The following DACH1 variants were observed in gnomAD, a reference collection of about 807,000 sequenced individuals.
DACH1 encodes the protein dachshund family transcription factor 1, also known as dachshund homolog 1.
Under a neutral mutation model 54.2 loss-of-function variants are expected in DACH1, and 12 were observed. The observed-to-expected ratio is 0.22, with a 90% CI of 0.14 to 0.36. The LOEUF is 0.36. Ranked by LOEUF, DACH1 falls within the 10% of genes least tolerant of loss-of-function variation. The pLI is 1.00. For synonymous variants in DACH1, 386 were observed against 366.2 expected, an observed-to-expected ratio of 1.05 and a Z score of -0.62; for missense variants, 805 against 929.8, an observed-to-expected ratio of 0.87 and a Z score of 1.75.
At chr13:71,441,101 C>A (rs911520484) in intron 10 of DACH1, among the ~76,000 whole-genome samples, 1 of 152,054 alleles carries the variant, frequency 6.6e-6, no homozygotes, top group Non-Finnish European at 1.5e-5. Context: ...GAACTCCCAT[C>A]TTACTCTTTA....
intron 1 of DACH1, among the ~76,000 whole-genome samples, chr13:71,732,676 C>T (rs1435627840): frequency 6.6e-6 from 1 of 151,206 alleles, no homozygotes; most frequent in Non-Finnish European, 1.5e-5. Context: ...TCTTGCCTAC[C>T]TTTATTTGTA....
At chr13:71,527,480 A>G (rs1374120761) in intron 6 of DACH1, among the ~76,000 whole-genome samples, 1 of 152,196 alleles carries the variant, frequency 6.6e-6, no homozygotes, top group Non-Finnish European at 1.5e-5. Flanking sequence ...GATAACTAAG[A>G]TGGCATGAGG....
intron 2 of DACH1, among the ~76,000 whole-genome samples, chr13:71,648,069 G>A (rs1878418626): frequency 6.6e-6 from 1 of 152,136 alleles, no homozygotes; most frequent in African/African-American, 2.4e-5. Flanking sequence ...GCACCCAATT[G>A]CTTTGAGTTT....
At chr13:71,576,051 C>A (rs925276355) in intron 3 of DACH1, among the ~76,000 whole-genome samples, 1 of 146,200 alleles carries the variant, frequency 6.8e-6, no homozygotes, top group African/African-American at 2.7e-5. Context: ...ACGATATAAA[C>A]CAGTATATAT....
chr13:71,626,546 T>A (rs929016454), intron 3 of DACH1, among the ~76,000 whole-genome samples: 1 of 151,988 alleles, frequency 6.6e-6, no homozygotes, highest in Non-Finnish European at 1.5e-5. Flanking sequence ...CTGGCCTGTA[T>A]GTTGTGGATA....
chr13:71,674,149 C>T (rs899957436), intron 2 of DACH1, among the ~76,000 whole-genome samples: 5 of 152,172 alleles, frequency 3.3e-5, no homozygotes, highest in African/African-American at 9.6e-5. Flanking sequence ...ACCAGTGATA[C>T]CAAAGTGAAT....
intron 1 of DACH1, among the ~76,000 whole-genome samples, chr13:71,756,369 C>A (rs1427672469): frequency 6.6e-6 from 1 of 151,932 alleles, no homozygotes; most frequent in Non-Finnish European, 1.5e-5. Flanking sequence ...TATACTTAGA[C>A]CCCATCTACC....
chr13:71,751,092 C>T (rs1884901749), intron 1 of DACH1, among the ~76,000 whole-genome samples: 1 of 152,178 alleles, frequency 6.6e-6, no homozygotes, highest in Non-Finnish European at 1.5e-5. Context: ...ACCCAGAACC[C>T]TTCTGTATGG....
chr13:71,830,063 GAAT>G, intron 1 of DACH1, among the ~76,000 whole-genome samples: 1 of 151,866 alleles, frequency 6.6e-6, no homozygotes, highest in African/African-American at 2.4e-5. Context: ...TAGGAAATCA[GAAT>G]AGCTTACTTT....
At chr13:71,562,512 C>T (rs907085737) in intron 4 of DACH1, among the ~76,000 whole-genome samples, 3 of 151,980 alleles carry the variant, frequency 2.0e-5, no homozygotes, top group African/African-American at 4.8e-5. Context: ...ATTTGTTACA[C>T]GCTAGGATAC....
intron 3 of DACH1, among the ~76,000 whole-genome samples, chr13:71,581,331 C>G (rs908770741): frequency 2.0e-5 from 3 of 152,160 alleles, no homozygotes; most frequent in Admixed American, 2.0e-4. Flanking sequence ...GTGGTGCAAT[C>G]TCAGCTCACT....
chr13:71,839,696 A>G (rs1022777580), intron 1 of DACH1, among the ~76,000 whole-genome samples: 3 of 152,188 alleles, frequency 2.0e-5, no homozygotes, highest in African/African-American at 7.2e-5. Flanking sequence ...CTTGAGTTCC[A>G]AATATATGTT....
chr13:71,545,279 T>C (rs1051270608), intron 6 of DACH1, among the ~76,000 whole-genome samples: 1 of 152,032 alleles, frequency 6.6e-6, no homozygotes, highest in East Asian at 1.9e-4. Flanking sequence ...CCAGTGATAG[T>C]CATCTCTTAG....
intron 1 of DACH1, among the ~76,000 whole-genome samples, chr13:71,782,221 G>A (rs1248601532): frequency 6.6e-6 from 1 of 152,062 alleles, no homozygotes; most frequent in Non-Finnish European, 1.5e-5. Flanking sequence ...CAGGTGGATC[G>A]CTTGAGGTCA....
At chr13:71,696,914 G>A (rs1387563119) in intron 1 of DACH1, among the ~76,000 whole-genome samples, 4 of 152,102 alleles carry the variant, frequency 2.6e-5, no homozygotes, top group Admixed American at 6.6e-5. Flanking sequence ...AAAAATATAC[G>A]TATTATCTCT....
chr13:71,841,504 T>A (rs1226663596), intron 1 of DACH1, among the ~76,000 whole-genome samples: 2 of 152,198 alleles, frequency 1.3e-5, no homozygotes, highest in African/African-American at 4.8e-5. Context: ...ACTATTTTTC[T>A]TGGTTCACTG....
chr13:71,803,587 T>A (rs893247930), intron 1 of DACH1, among the ~76,000 whole-genome samples: 1 of 152,192 alleles, frequency 6.6e-6, no homozygotes, highest in Non-Finnish European at 1.5e-5. Flanking sequence ...TACCCTTATA[T>A]TTTGAAGTCT....
chr13:71,490,897 T>A (rs970900398), intron 6 of DACH1, among the ~76,000 whole-genome samples: 1 of 152,190 alleles, frequency 6.6e-6, no homozygotes, highest in Non-Finnish European at 1.5e-5. Flanking sequence ...ATGGGGATAA[T>A]AATTGCTTGT....
At chr13:71,574,560 A>AT (rs1289639650) in intron 3 of DACH1, among the ~76,000 whole-genome samples, 1 of 151,996 alleles carries the variant, frequency 6.6e-6, no homozygotes, top group East Asian at 1.9e-4. Flanking sequence ...TACTGCCATG[A>AT]TTTTTTTCCA....
Sources: gnomAD v4.1 joint callset for allele counts (sites outside exome capture counted in the v4.1 genomes callset) on GRCh38, gnomAD v4.1.1 for gene constraint, MANE v1.5 for transcripts, NCBI Gene and HGNC (gene_info 2026-07-23, HGNC 2026-07-21) for gene names.